PARP4: variants seen among roughly 807,000 people sequenced by gnomAD.
PARP4 encodes protein mono-ADP-ribosyltransferase PARP4.
A neutral mutation model predicts 187.7 loss-of-function variants in PARP4; 120 were observed. The ratio of observed to expected loss-of-function variants is 0.64; its 90% CI spans 0.55 to 0.74. PARP4 has a LOEUF of 0.74. Ranked by LOEUF, PARP4 falls within the 30% of genes least tolerant of loss-of-function variation. The pLI, the probability that PARP4 is intolerant of heterozygous loss-of-function variation, is 0.00. For synonymous variants in PARP4, 654 were observed against 740.9 expected, an observed-to-expected ratio of 0.88 and a Z score of 1.90; for missense variants, 1,836 against 2,070.5, an observed-to-expected ratio of 0.89 and a Z score of 2.20.
intron 6 of PARP4, 137 bp from the exon 7 acceptor site, chr13:24,494,859 ATTCTTTTTCTT>A (rs927484027): frequency 7.0e-6 from 4 of 572,280 alleles, no homozygotes; most frequent in African/African-American, 4.0e-5. Context: ...TAAATTTTAA[ATTCTTTTTCTT>A]TTCTTTTTCT....
chr13:24,504,887 G>T (rs1232245347), intron 1 of PARP4, among the ~76,000 whole-genome samples: 4 of 151,268 alleles, frequency 2.6e-5, no homozygotes, highest in Admixed American at 2.6e-4. Flanking sequence ...AGAGTCGGGG[G>T]TTTTACCATG....
intron 11 of PARP4, 81 bp downstream of exon 11, chr13:24,486,086 GA>G (rs1873535626): frequency 9.8e-6 from 13 of 1,320,534 alleles, no homozygotes; most frequent in Non-Finnish European, 1.3e-5. Flanking sequence ...ACGTAATATA[GA>G]AAAAAGTAGG....
intron 33 of PARP4, among the ~76,000 whole-genome samples, chr13:24,421,578 G>A (rs1361325194): frequency 3.9e-5 from 6 of 152,252 alleles, no homozygotes; most frequent in Admixed American, 2.6e-4. Flanking sequence ...CACAGCTCAC[G>A]TTCCAGCCGC....
intron 20 of PARP4, 121 bp downstream of exon 20, chr13:24,458,923 G>A: frequency 1.4e-6 from 1 of 717,786 alleles, no homozygotes; most frequent in Non-Finnish European, 2.5e-6. Context: ...GGCAGGAGTA[G>A]TGCTTCTTGT....
intron 2 of PARP4, among the ~76,000 whole-genome samples, chr13:24,503,122 G>A (rs901312112): frequency 6.6e-6 from 1 of 152,218 alleles, no homozygotes; most frequent in African/African-American, 2.4e-5. Flanking sequence ...ATTCTGAACT[G>A]CCAGGCTTAC....
At chr13:24,453,490 G>GTGC in intron 23 of PARP4, 97 bp downstream of exon 23, 1 of 694,360 alleles carries the variant, frequency 1.4e-6, no homozygotes, top group Non-Finnish European at 2.6e-6. Context: ...AGGAGTAGGG[G>GTGC]TGCTCTGATG....
intron 14 of PARP4, among the ~76,000 whole-genome samples, chr13:24,476,244 G>A (rs1247653755): frequency 1.3e-5 from 2 of 151,910 alleles, no homozygotes; most frequent in East Asian, 3.9e-4. Context: ...CTCTCGAGTA[G>A]CTGCGACTAC....
Position 24,485,461 on chromosome 13 carries a change from T to C in PARP4, c.1352+707A>G, listed in dbSNP as rs752154878. Among the ~76,000 whole-genome samples, 20 of 152,214 alleles carry C rather than the reference T, an allele frequency of 1.3e-4. 1 individual carries two copies. The highest frequency in any genetic ancestry group is 5.9e-5 in the Non-Finnish European group (4 of 68,042). ...GCATCCTTCTGATTCATGCAAGTTG[T>C]CTTTTGGGTCCCTCAGTAGCAGTTT... On this transcript the variant is annotated intron_variant, in intron 11 of 33. Coordinates refer to ENST00000381989, the MANE Select transcript of PARP4 (RefSeq NM_006437.4).
chr13:24,479,446 T>G (rs1323084535), intron 12 of PARP4, among the ~76,000 whole-genome samples: 1 of 152,106 alleles, frequency 6.6e-6, no homozygotes, highest in African/African-American at 2.4e-5. Context: ...GGCTCCTGAG[T>G]CTGGTGGGGA....
chr13:24,450,849 T>A (rs1332083039), intron 24 of PARP4, among the ~76,000 whole-genome samples: 1 of 152,098 alleles, frequency 6.6e-6, no homozygotes, highest in Non-Finnish European at 1.5e-5. Context: ...ACACCCAGAC[T>A]CCCCGTCACA....
In PARP4 at chr13:24,441,839, C is replaced by T. The variant is rs772440664; in HGVS notation, c.3666+7G>A. ...CAATATCAACTTATTCGGTAATCAG[C>T]ATTTACCTGGTTCCTGACGGCTTCT... On this transcript the variant is annotated splice_region_variant and intron_variant, in intron 30 of 33. Coordinates refer to ENST00000381989, the MANE Select transcript of PARP4 (RefSeq NM_006437.4). 6 of 1,584,612 alleles carry T rather than the reference C, an allele frequency of 3.8e-6. No homozygotes were observed. The South Asian group carries it at 4.6e-5, about 12-fold the overall frequency.
intron 14 of PARP4, among the ~76,000 whole-genome samples, chr13:24,476,219 T>A (rs1872977725): frequency 6.6e-6 from 1 of 152,052 alleles, no homozygotes; most frequent in Non-Finnish European, 1.5e-5. Context: ...GCTCAAGTAA[T>A]CCTCCTGCCT....
At chr13:24,479,837 C>G (rs1224805574) in intron 12 of PARP4, among the ~76,000 whole-genome samples, 12 of 152,216 alleles carry the variant, frequency 7.9e-5, no homozygotes, top group Admixed American at 7.9e-4. Context: ...ATAAATCTTG[C>G]TACTGCTCAC....
intron 17 of PARP4, among the ~76,000 whole-genome samples, chr13:24,466,082 T>G (rs1407221100): frequency 2.0e-5 from 3 of 152,234 alleles, no homozygotes. Flanking sequence ...ACTGGCCACA[T>G]AAAACATTTT....
chr13:24,494,828 A>T, intron 6 of PARP4, 106 bp from the exon 7 acceptor site: 1 of 697,034 alleles, frequency 1.4e-6, no homozygotes, highest in Non-Finnish European at 2.3e-6. Context: ...CTTAGAAATT[A>T]GTTTTTTTCA....
At chr13:24,490,212 G>A (rs147496871) in intron 10 of PARP4, among the ~76,000 whole-genome samples, 5 of 152,244 alleles carry the variant, frequency 3.3e-5, no homozygotes, top group African/African-American at 4.8e-5. Context: ...GCCCCTCAGC[G>A]CAGGACCCTG....
At chr13:24,451,263 T>C (rs1871502975) in intron 24 of PARP4, among the ~76,000 whole-genome samples, 1 of 152,220 alleles carries the variant, frequency 6.6e-6, no homozygotes, top group South Asian at 2.1e-4. Context: ...TGAGCGCAGC[T>C]GTGAGCTCAG....
Position 24,434,394 on chromosome 13 carries a change from CCT to C in PARP4, c.4745_4746del (p.Glu1582GlyfsTer17). The C allele has an allele frequency of 1.3e-6, 2 of 1,535,844 alleles. No individual in the cohort carries two copies. The highest frequency in any genetic ancestry group is 2.0e-5 in the Admixed American group (1 of 49,524). On this transcript the variant is annotated frameshift_variant and splice_region_variant, in exon 31 of 34. Transcript: ENST00000381989. LOFTEE classifies it high-confidence loss of function. ...GATTTAAGGAGAAATAAGACACATA[CCT>C]CTGTCTGTAGACTGAGGAGTTCTGT... ...PWTELLSLQT[E>X]DGFWKLTPEL... is the part of the protein sequence containing the mutation.
intron 6 of PARP4, among the ~76,000 whole-genome samples, chr13:24,496,278 A>G (rs1868949994): frequency 6.6e-6 from 1 of 152,206 alleles, no homozygotes; most frequent in African/African-American, 2.4e-5. Flanking sequence ...TTCAGGGTAC[A>G]AGGGTAACAA....
Sources: gnomAD v4.1 joint callset for allele counts (sites outside exome capture counted in the v4.1 genomes callset) on GRCh38, gnomAD v4.1.1 for gene constraint, MANE v1.5 for transcripts, NCBI Gene and HGNC (gene_info 2026-07-23, HGNC 2026-07-21) for gene names.